The following SOX5 variants were observed in gnomAD, a reference collection of about 807,000 sequenced individuals.
SOX5 encodes transcription factor SOX-5.
Under a neutral mutation model 92.0 loss-of-function variants are expected in SOX5, and 9 were observed. The ratio of observed to expected loss-of-function variants is 0.10; its 90% CI spans 0.06 to 0.17. The LOEUF (loss-of-function observed/expected upper bound fraction) is 0.17. Among genes scored for constraint, SOX5 ranks in the 10% least tolerant of loss-of-function variants. SOX5 has a pLI of 1.00. For synonymous variants in SOX5, 344 were observed against 336.3 expected (o/e 1.02, Z -0.25); for missense variants, 642 against 944.5 (o/e 0.68, Z 4.20).
At chr12:24,475,901 G>C (rs1404455003) in intron 1 of SOX5, among the ~76,000 whole-genome samples, 2 of 151,796 alleles carry the variant, frequency 1.3e-5, no homozygotes, top group African/African-American at 4.8e-5. Flanking sequence ...AAGATCGCTT[G>C]AGCCCAGGAG....
At chr12:24,245,251 G>C (rs1938438598) in intron 3 of SOX5, among the ~76,000 whole-genome samples, 4 of 151,118 alleles carry the variant, frequency 2.6e-5, no homozygotes, top group Admixed American at 2.6e-4. Context: ...GTGTGTGTGT[G>C]TGTGTGTGTG....
intron 1 of SOX5, among the ~76,000 whole-genome samples, chr12:23,903,150 A>C (rs1005113267): frequency 9.9e-5 from 15 of 152,222 alleles, no homozygotes; most frequent in Admixed American, 8.5e-4. Context: ...ATAATTAATA[A>C]ATCAAGAAAG....
chr12:24,210,943 C>G (rs1353170413), intron 4 of SOX5, among the ~76,000 whole-genome samples: 3 of 152,170 alleles, frequency 2.0e-5, no homozygotes. Context: ...TGAACCATAA[C>G]ATGCTCCTCA....
intron 3 of SOX5, among the ~76,000 whole-genome samples, chr12:23,800,638 T>G (rs1376193962): frequency 6.6e-6 from 1 of 152,102 alleles, no homozygotes; most frequent in Non-Finnish European, 1.5e-5. Context: ...ACAGAAAATT[T>G]TATTCTATTT....
At chr12:23,778,975 G>T (rs975754022) in intron 3 of SOX5, among the ~76,000 whole-genome samples, 2 of 152,128 alleles carry the variant, frequency 1.3e-5, no homozygotes, top group Non-Finnish European at 2.9e-5. Context: ...CTCAGTGAAT[G>T]CAATAAAGAC....
At chr12:23,772,614 A>G (rs2094969829) in intron 3 of SOX5, among the ~76,000 whole-genome samples, 1 of 152,210 alleles carries the variant, frequency 6.6e-6, no homozygotes, top group Admixed American at 6.6e-5. Context: ...TTTATTTTTA[A>G]TTCTTACAAA....
chr12:23,773,735 G>C (rs984533951), intron 3 of SOX5, among the ~76,000 whole-genome samples: 1 of 151,936 alleles, frequency 6.6e-6, no homozygotes, highest in Admixed American at 6.6e-5. Context: ...AAAAAATTGA[G>C]TTTTACATAT....
chr12:24,439,081 G>T (rs993581681), intron 1 of SOX5, among the ~76,000 whole-genome samples: 7 of 152,110 alleles, frequency 4.6e-5, no homozygotes, highest in East Asian at 1.9e-4. Flanking sequence ...CCAACCTTCA[G>T]CAAAAACCAC....
intron 4 of SOX5, among the ~76,000 whole-genome samples, chr12:23,985,242 T>TTTTATTTATTTA (rs149488251): frequency 0.035 from 5,189 of 149,168 alleles, 112 homozygotes; most frequent in African/African-American, 0.053. Context: ...TTTTTTTGAA[T>TTTTATTTATTTA]TTTATTTATT....
chr12:24,493,720 C>T (rs556930045), intron 1 of SOX5, among the ~76,000 whole-genome samples: 11 of 151,990 alleles, frequency 7.2e-5, no homozygotes, highest in African/African-American at 1.9e-4. Flanking sequence ...AAAAATTAGC[C>T]GGGTGTGGTG....
chr12:24,282,358 A>G (rs1010860456), intron 2 of SOX5, among the ~76,000 whole-genome samples: 2 of 151,712 alleles, frequency 1.3e-5, no homozygotes, highest in African/African-American at 4.8e-5. Context: ...AAAGTATAAT[A>G]AAAATAAATC....
At chr12:24,226,461 T>C (rs1339792111) in intron 3 of SOX5, among the ~76,000 whole-genome samples, 1 of 152,068 alleles carries the variant, frequency 6.6e-6, no homozygotes. Flanking sequence ...ATCTTCCTCA[T>C]TATTTTATTT....
intron 3 of SOX5, among the ~76,000 whole-genome samples, chr12:23,789,564 T>C (rs963427707): frequency 6.6e-6 from 1 of 152,170 alleles, no homozygotes; most frequent in Non-Finnish European, 1.5e-5. Context: ...AATATTAACC[T>C]AGATCTTGAA....
At chr12:23,576,696 A>G (rs775459785) in intron 9 of SOX5, among the ~76,000 whole-genome samples, 1 of 152,134 alleles carries the variant, frequency 6.6e-6, no homozygotes, top group Non-Finnish European at 1.5e-5. Context: ...CATACATGAG[A>G]CTTATAGATA....
intron 4 of SOX5, among the ~76,000 whole-genome samples, chr12:24,023,262 C>A (rs1486731608): frequency 6.6e-6 from 1 of 152,110 alleles, no homozygotes; most frequent in Non-Finnish European, 1.5e-5. Context: ...ATCAACAGAG[C>A]TTTCTGAGGA....
intron 4 of SOX5, among the ~76,000 whole-genome samples, chr12:24,206,672 T>G (rs980831359): frequency 5.3e-5 from 8 of 151,988 alleles, no homozygotes; most frequent in African/African-American, 1.9e-4. Flanking sequence ...TCAATACTGG[T>G]TTCCTTCTCC....
At chr12:23,771,626 T>C (rs2094938876) in intron 3 of SOX5, among the ~76,000 whole-genome samples, 1 of 152,216 alleles carries the variant, frequency 6.6e-6, no homozygotes, top group African/African-American at 2.4e-5. Context: ...ATATCTCCCC[T>C]TGTGCTCCAT....
chr12:24,482,041 T>G (rs911385948), intron 1 of SOX5, among the ~76,000 whole-genome samples: 4 of 152,124 alleles, frequency 2.6e-5, no homozygotes, highest in Admixed American at 2.0e-4. Context: ...ACAAAACATG[T>G]GAATAGAAGA....
chr12:23,644,210 A>C (rs2080522401), intron 7 of SOX5, among the ~76,000 whole-genome samples: 1 of 152,162 alleles, frequency 6.6e-6, no homozygotes, highest in Non-Finnish European at 1.5e-5. Flanking sequence ...CATATAGCAA[A>C]AGACAGATGT....
Sources: allele counts gnomAD v4.1 joint callset (sites outside exome capture counted in the v4.1 genomes callset), GRCh38; gene constraint gnomAD v4.1.1; transcripts MANE v1.5; gene names NCBI Gene and HGNC (gene_info 2026-07-23, HGNC 2026-07-21).